The following MCF2 variants were observed in gnomAD, a reference collection of about 807,000 sequenced individuals.
MCF2 encodes proto-oncogene DBL.
A neutral mutation model predicts 82.5 loss-of-function variants in MCF2; 44 were observed. That is an observed-to-expected ratio of 0.53 (90% CI 0.42 to 0.69). MCF2 has a LOEUF of 0.69. Among genes scored for constraint, MCF2 ranks in the 30% least tolerant of loss-of-function variants. MCF2 has a pLI of 0.00. For missense variants in MCF2, 623 were observed against 663.1 expected, an observed-to-expected ratio of 0.94 and a Z score of 0.66; for synonymous variants, 217 against 224.9, an observed-to-expected ratio of 0.96 and a Z score of 0.32.
intron 19 of MCF2, among the ~76,000 whole-genome samples, chrX:139,594,423 A>G (rs1299926273): frequency 9.0e-5 from 10 of 110,754 alleles, no homozygotes; most frequent in Non-Finnish European, 1.3e-4. Flanking sequence ...ATAATGCCGC[A>G]TATCTACAAC....
intron 19 of MCF2, among the ~76,000 whole-genome samples, chrX:139,595,472 C>T (rs1187880821): frequency 9.6e-6 from 1 of 104,010 alleles, no homozygotes; most frequent in East Asian, 3.1e-4. Context: ...TAAACTATCG[C>T]AAGAACAAAA....
Position 139,688,815 on chromosome X carries a change from G to A in MCF2, c.-45+19291C>T, listed in dbSNP as rs193258603. Among the ~76,000 whole-genome samples, 325 of 111,469 alleles carry A rather than the reference G, an allele frequency of 2.9e-3. 1 individual carries two copies. Among genetic ancestry groups the A allele is most frequent in the Non-Finnish European group, 4.9e-3 (258 of 53,044 alleles). On this transcript the variant is annotated intron_variant, in intron 1 of 27. Transcript: ENST00000414978. ...ATAGCCCATGGAGAAGTAGATTTAA[G>A]GAAAGAACTTCAGTGCCAGGAGATG...
intron 1 of MCF2, among the ~76,000 whole-genome samples, chrX:139,659,548 G>A (rs747319268): frequency 8.1e-5 from 9 of 111,228 alleles, no homozygotes; most frequent in East Asian, 2.8e-4. Flanking sequence ...TCACAGCGAC[G>A]CTCTCTCATG....
chrX:139,614,507 A>G (rs1420902471), intron 10 of MCF2, among the ~76,000 whole-genome samples: 8 of 103,012 alleles, frequency 7.8e-5, no homozygotes, highest in Non-Finnish European at 1.4e-4. Flanking sequence ...AGCAGTAAAT[A>G]TGTGTGTGTG....
chrX:139,585,125 A>G, exon 24 of MCF2: 1 of 1,206,937 alleles, frequency 8.3e-7, no homozygotes, highest in East Asian at 3.0e-5. Context: ...TAGTTGCTTG[A>G]CCATTCCGCA....
At chrX:139,634,381 A>C (rs1192192339) in intron 1 of MCF2, among the ~76,000 whole-genome samples, 1 of 111,810 alleles carries the variant, frequency 8.9e-6, no homozygotes, top group African/African-American at 3.3e-5. Context: ...AAAAAAATAA[A>C]GTCTATTTTA....
At chrX:139,672,994 C>A (rs1371411379) in intron 1 of MCF2, among the ~76,000 whole-genome samples, 1 of 111,566 alleles carries the variant, frequency 9.0e-6, no homozygotes, top group Non-Finnish European at 1.9e-5. Flanking sequence ...AATTTCAGAG[C>A]CTGTTATTGG....
intron 10 of MCF2, among the ~76,000 whole-genome samples, chrX:139,610,592 G>A (rs759553518): frequency 8.9e-6 from 1 of 111,802 alleles, no homozygotes; most frequent in African/African-American, 3.2e-5. Context: ...GCCAAGCATT[G>A]AGGTAGGTGT....
chrX:139,602,293 C>T lies in MCF2; in HGVS notation c.1836+113G>A, dbSNP rs60053831. The T allele has an allele frequency of 4.7e-3, 2,811 of 594,483 alleles. 53 individuals are homozygous for T. The African/African-American group carries it at 0.058, about 12-fold the overall frequency. The allele number at this position is 594,483 out of a possible 1,213,427, so 49.0% of individuals were successfully genotyped here. On this transcript the variant is annotated intron_variant, in intron 16 of 24. Transcript: ENST00000370576. ...GGGAGGGTGGATTTGCTCTTTAACT[C>T]ATATACGTATATGCACATGTAACGT... is the stretch of plus-strand genomic sequence containing the variant.
At chrX:139,618,893 G>A (rs1932124386) in intron 7 of MCF2, among the ~76,000 whole-genome samples, 1 of 111,233 alleles carries the variant, frequency 9.0e-6, no homozygotes, top group South Asian at 3.8e-4. Context: ...TGTGCCAGGT[G>A]CTTTATATAC....
chrX:139,642,741 T>A, exon 1 of MCF2: 1 of 1,059,733 alleles, frequency 9.4e-7, no homozygotes, highest in Admixed American at 4.0e-5. Context: ...TCCCTTCTGC[T>A]CCTTGTAATT....
intron 1 of MCF2, among the ~76,000 whole-genome samples, chrX:139,637,511 CGTATATTTAT>C (rs374469514): frequency 3.6e-5 from 4 of 110,823 alleles, no homozygotes; most frequent in Non-Finnish European, 5.7e-5. Context: ...AAAAAAAATA[CGTATATTTAT>C]GTATATTTAT....
intron 1 of MCF2, among the ~76,000 whole-genome samples, chrX:139,706,503 T>C (rs1335050154): frequency 9.0e-6 from 1 of 110,950 alleles, no homozygotes; most frequent in Non-Finnish European, 1.9e-5. Context: ...TGAAGGGAGC[T>C]AAGCATTGAG....
At chrX:139,607,840 C>A (rs768175880) in intron 11 of MCF2, 61 bp from the exon 16 acceptor site, 1 of 720,168 alleles carries the variant, frequency 1.4e-6, no homozygotes, top group South Asian at 2.6e-5. Context: ...TTCTTCAAGG[C>A]GATCCAGCTC....
At chrX:139,596,667 T>G (rs369191263) in exon 19 of MCF2, 1 of 1,207,836 alleles carries the variant, frequency 8.3e-7, no homozygotes, top group African/African-American at 1.8e-5. Flanking sequence ...CTGCATTGGT[T>G]TGAATCTAGC....
chrX:139,663,504 G>T (rs144495410), intron 1 of MCF2, among the ~76,000 whole-genome samples: 4 of 109,410 alleles, frequency 3.7e-5, no homozygotes, highest in Non-Finnish European at 7.6e-5. Context: ...AGATAAACAC[G>T]TGTTGCAGGG....
chrX:139,689,402 GT>G (rs1482972231), intron 1 of MCF2, among the ~76,000 whole-genome samples: 1 of 111,019 alleles, frequency 9.0e-6, no homozygotes, highest in African/African-American at 3.3e-5. Flanking sequence ...GGCCCCAGGG[GT>G]TTTGCAGTGC....
At chrX:139,643,546 C>T (rs932122249), upstream of MCF2, among the ~76,000 whole-genome samples, 4 of 111,287 alleles carry the variant, frequency 3.6e-5, no homozygotes, top group African/African-American at 1.3e-4. Context: ...CTAAAACAAC[C>T]TATAGCCAGT....
Position 139,602,549 on chromosome X carries a change from T to C in MCF2, c.1744-51A>G, listed in dbSNP as rs763929126. On this transcript the variant is annotated intron_variant, in intron 15 of 24. Coordinates refer to ENST00000370576, the Ensembl canonical transcript of MCF2. ...TATTACTAATTTGTGAATATGACTT[T>C]TGCCATCAAGAAAGGCTAAACAAGA... 1.2e-5 allele frequency: 11 copies of C among 887,385 alleles called. No homozygotes were observed. In the South Asian group the frequency reaches 1.5e-4, roughly 12 times the overall value. 73.1% of individuals were successfully genotyped at this position (887,385 alleles called of 1,213,427 possible).
Sources: allele counts gnomAD v4.1 joint callset (sites outside exome capture counted in the v4.1 genomes callset), GRCh38; gene constraint gnomAD v4.1.1; transcripts MANE v1.5; gene names NCBI Gene and HGNC (gene_info 2026-07-23, HGNC 2026-07-21).